Variants in OSTF1 observed in about 807,000 individuals in gnomAD.
The protein encoded by OSTF1 is osteoclast-stimulating factor 1.
Under a neutral mutation model 37.2 loss-of-function variants are expected in OSTF1, and 27 were observed. The observed-to-expected ratio is 0.73, with a 90% CI of 0.54 to 1.00. OSTF1 has a LOEUF of 1.00. Ranked by LOEUF, OSTF1 falls within the 50% of genes least tolerant of loss-of-function variation. The pLI, the probability that OSTF1 is intolerant of heterozygous loss-of-function variation, is 0.00. For synonymous variants in OSTF1, 82 were observed against 89.2 expected, an observed-to-expected ratio of 0.92 and a Z score of 0.46; for missense variants, 232 against 253.8, an observed-to-expected ratio of 0.91 and a Z score of 0.58.
intron 9 of OSTF1, among the ~76,000 whole-genome samples, chr9:75,142,989 G>A (rs1825967134): frequency 6.7e-6 from 1 of 149,654 alleles, no homozygotes; most frequent in African/African-American, 2.5e-5. Context: ...GCCCAGGCTG[G>A]AGTGAAGTGA....
At chr9:75,099,739 G>A (rs111413088) in intron 1 of OSTF1, among the ~76,000 whole-genome samples, 14,101 of 152,182 alleles carry the variant, frequency 0.093, 873 homozygotes, top group African/African-American at 0.17. Context: ...CGAGGCAGGA[G>A]AATAGCCTGA....
At chr9:75,110,031 C>T (rs1257471853) in intron 1 of OSTF1, among the ~76,000 whole-genome samples, 1 of 152,146 alleles carries the variant, frequency 6.6e-6, no homozygotes, top group Non-Finnish European at 1.5e-5. Flanking sequence ...CCAGATACAG[C>T]ATTCTTAAAA....
intron 9 of OSTF1, among the ~76,000 whole-genome samples, chr9:75,143,249 A>G (rs6560424): frequency 0.65 from 98,545 of 152,062 alleles, 32,148 homozygotes; most frequent in Non-Finnish European, 0.69. Context: ...TTTTTTAATA[A>G]GTACAAAAAT....
At chr9:75,103,322 T>G (rs1485608133) in intron 1 of OSTF1, among the ~76,000 whole-genome samples, 8 of 152,090 alleles carry the variant, frequency 5.3e-5, no homozygotes, top group Non-Finnish European at 1.0e-4. Flanking sequence ...ACAGGTACCT[T>G]ATAAGTTATT....
chr9:75,107,281 A>G (rs7034779), intron 1 of OSTF1, among the ~76,000 whole-genome samples: 116,878 of 152,156 alleles, frequency 0.77, 45,228 homozygotes, highest in African/African-American at 0.86. Context: ...AATATGCCTC[A>G]TAGAAATAAT....
chr9:75,096,065 G>T (rs1025816313), intron 1 of OSTF1, among the ~76,000 whole-genome samples: 72 of 152,136 alleles, frequency 4.7e-4, no homozygotes, highest in African/African-American at 1.7e-3. Context: ...CTAATTTTTG[G>T]TATTTTTAGT....
At chr9:75,089,621 C>G (rs550987117) in intron 1 of OSTF1, among the ~76,000 whole-genome samples, 2 of 152,244 alleles carry the variant, frequency 1.3e-5, no homozygotes, top group South Asian at 4.1e-4. Context: ...ACAACTCTTA[C>G]GTGCATTCAT....
chr9:75,127,896 GA>G (rs1316558017), intron 3 of OSTF1, among the ~76,000 whole-genome samples: 1 of 148,856 alleles, frequency 6.7e-6, no homozygotes, highest in Non-Finnish European at 1.5e-5. Flanking sequence ...TAATTTAAGT[GA>G]AAAAAAAAGC....
At chr9:75,141,079 A>C in intron 9 of OSTF1, 147 bp downstream of exon 9, 1 of 544,908 alleles carries the variant, frequency 1.8e-6, no homozygotes, top group South Asian at 2.0e-5. Flanking sequence ...CAGGAGGTTC[A>C]CTTGAGCCCA....
intron 1 of OSTF1, among the ~76,000 whole-genome samples, chr9:75,110,211 C>T (rs376223413): frequency 3.8e-4 from 58 of 152,206 alleles, no homozygotes; most frequent in African/African-American, 1.3e-3. Context: ...CATACAGAGT[C>T]GTTTCACTGC....
In OSTF1 at chr9:75,142,658, T is replaced by C. The variant is rs543369943; in HGVS notation, c.586+1726T>C. Among the ~76,000 whole-genome samples the C allele has an allele frequency of 1.9e-3, 283 of 152,264 alleles. 1 individual carries two copies. The highest frequency in any genetic ancestry group is 3.2e-3 in the Non-Finnish European group (215 of 68,020). The stretch of plus-strand genomic sequence containing the variant: ...TGGGAGGCAGGTACTCTTTTCTCTG[T>C]GCACCCCAAGTGTGTTTAGTCTACC... On this transcript the variant is annotated intron_variant, in intron 9 of 9. Coordinates refer to ENST00000346234, the MANE Select transcript of OSTF1 (RefSeq NM_012383.5).
At chr9:75,088,865 G>C (rs1006857782) in intron 1 of OSTF1, 139 bp downstream of exon 1, 1 of 774,214 alleles carries the variant, frequency 1.3e-6, no homozygotes, top group Non-Finnish European at 2.1e-6. Context: ...CGGGATGGGC[G>C]CTCTTAGTTT....
intron 1 of OSTF1, among the ~76,000 whole-genome samples, chr9:75,091,508 A>C (rs1824975174): frequency 6.6e-6 from 1 of 152,224 alleles, no homozygotes; most frequent in South Asian, 2.1e-4. Flanking sequence ...TCACAAATGC[A>C]CATAAAGGTC....
chr9:75,117,407 T>G (rs1825508208), intron 1 of OSTF1, 97 bp from the exon 2 acceptor site: 2 of 820,710 alleles, frequency 2.4e-6, no homozygotes, highest in Non-Finnish European at 4.0e-6. Context: ...TCACATGGGT[T>G]TTTAATTAGG....
In OSTF1 at chr9:75,140,845, G is replaced by T; in HGVS notation, c.499G>T (p.Asp167Tyr). The change falls in exon 9 of 10, where the codon GAC becomes TAC. Residue 167 changes from aspartate (D) to tyrosine (Y), a missense_variant. Coordinates refer to ENST00000346234, the MANE Select transcript of OSTF1 (RefSeq NM_012383.5). ...CTTGTGTTGGGAAGGTGCTAGAACAGACTTAAGAAACATTGAGAAGAAGCT... is the reference window on the plus strand; with the variant it reads ...CTTGTGTTGGGAAGGTGCTAGAACATACTTAAGAAACATTGAGAAGAAGCT... ...QLLLAKGART[D>Y]LRNIEKKLAF... 6.2e-7 allele frequency: 1 copy of T among 1,613,076 alleles called. No homozygotes were observed. The highest frequency in any genetic ancestry group is 1.1e-5 in the South Asian group (1 of 91,040).
chr9:75,118,202 G>T (rs1416568456), intron 2 of OSTF1, among the ~76,000 whole-genome samples: 1 of 152,178 alleles, frequency 6.6e-6, no homozygotes, highest in Non-Finnish European at 1.5e-5. Context: ...AGTTAATGGA[G>T]AAAAGAGTGC....
chr9:75,101,992 G>T lies in OSTF1; in HGVS notation c.34+13266G>T, dbSNP rs1180641255. Among the ~76,000 whole-genome samples, 6 of 152,164 alleles carry T rather than the reference G, an allele frequency of 3.9e-5. No homozygotes were observed. In the South Asian group the frequency reaches 1.0e-3, roughly 26 times the overall value. The stretch of plus-strand genomic sequence containing the variant: ...TTAAATTATTATTTTCTTTAGAGAT[G>T]GCTTCTTGCTCTGTCACCTAGGCTG... On this transcript the variant is annotated intron_variant, in intron 1 of 9. Transcript: ENST00000346234.
At chr9:75,103,815 T>G (rs955887777) in intron 1 of OSTF1, among the ~76,000 whole-genome samples, 1 of 152,160 alleles carries the variant, frequency 6.6e-6, no homozygotes, top group African/African-American at 2.4e-5. Context: ...TTAAAAATTA[T>G]TTGTAGACAA....
intron 1 of OSTF1, among the ~76,000 whole-genome samples, chr9:75,089,058 C>T (rs1247613891): frequency 6.6e-6 from 1 of 152,112 alleles, no homozygotes; most frequent in African/African-American, 2.4e-5. Flanking sequence ...GGCCATTGAT[C>T]TCCCTTTAAA....
Sources: gnomAD v4.1 joint callset for allele counts (sites outside exome capture counted in the v4.1 genomes callset) on GRCh38, gnomAD v4.1.1 for gene constraint, MANE v1.5 for transcripts, NCBI Gene and HGNC (gene_info 2026-07-23, HGNC 2026-07-21) for gene names.